SGPL1: variants seen among roughly 807,000 people sequenced by gnomAD.
The protein encoded by SGPL1 is sphingosine-1-phosphate lyase 1.
Under a neutral mutation model 68.9 loss-of-function variants are expected in SGPL1, and 37 were observed. The ratio of observed to expected loss-of-function variants is 0.54; its 90% CI spans 0.41 to 0.71. SGPL1 has a LOEUF of 0.71. SGPL1 is among the 30% of genes least tolerant of loss of function. The pLI is 0.00. For missense variants in SGPL1, 551 were observed against 704.6 expected (o/e 0.78, Z 2.47); for synonymous variants, 236 against 248.5 (o/e 0.95, Z 0.47).
At chr10:70,849,102 C>T (rs950878136) in intron 3 of SGPL1, among the ~76,000 whole-genome samples, 15 of 152,162 alleles carry the variant, frequency 9.9e-5, no homozygotes, top group Non-Finnish European at 2.2e-4. Flanking sequence ...TCACAACTTC[C>T]ACAAAATTAG....
chr10:70,825,832 A>T (rs1845424560), intron 2 of SGPL1, among the ~76,000 whole-genome samples: 1 of 152,220 alleles, frequency 6.6e-6, no homozygotes, highest in Admixed American at 6.5e-5. Context: ...TTGAGTGTAT[A>T]TAACAGAAAA....
chr10:70,835,610 C>T (rs1334820734), intron 2 of SGPL1, among the ~76,000 whole-genome samples: 2 of 151,886 alleles, frequency 1.3e-5, no homozygotes, highest in East Asian at 1.9e-4. Flanking sequence ...GTGGCGGGTG[C>T]CTGTAGTCCC....
intron 7 of SGPL1, among the ~76,000 whole-genome samples, chr10:70,863,617 G>A (rs2131924485): frequency 6.6e-6 from 1 of 151,996 alleles, no homozygotes; most frequent in Admixed American, 6.5e-5. Context: ...TGAGTTGCTG[G>A]GGATTGCCAC....
At chr10:70,865,305 T>C (rs930757026) in intron 7 of SGPL1, among the ~76,000 whole-genome samples, 2 of 149,830 alleles carry the variant, frequency 1.3e-5, no homozygotes, top group African/African-American at 2.4e-5. Context: ...TTTGACTCTT[T>C]TCTCTCCCTG....
intron 7 of SGPL1, among the ~76,000 whole-genome samples, chr10:70,865,302 CTT>C (rs763488367): frequency 4.7e-5 from 7 of 149,254 alleles, no homozygotes; most frequent in Non-Finnish European, 4.4e-5. Flanking sequence ...GATTTTGACT[CTT>C]TTCTCTCCCT....
At chr10:70,872,622 A>G (rs532856274) in intron 11 of SGPL1, among the ~76,000 whole-genome samples, 2 of 152,294 alleles carry the variant, frequency 1.3e-5, no homozygotes, top group African/African-American at 4.8e-5. Flanking sequence ...GCATTTTCAG[A>G]GCTTGTTTTA....
At position 70,844,532 on chromosome 10, in the gene SGPL1, T is replaced by C. The variant is rs1292778000; in HGVS notation, c.87T>C (p.Tyr29=). 6.8e-6 allele frequency: 11 copies of C among 1,614,036 alleles called. No individual in the cohort carries two copies. The highest frequency in any genetic ancestry group is 8.5e-6 in the Non-Finnish European group (10 of 1,180,000). The change falls in exon 3 of 15, where the codon TAT becomes TAC. Residue 29 remains tyrosine, a synonymous_variant. Transcript: ENST00000373202. The stretch of plus-strand genomic sequence containing the variant: ...TATACTCCACAAAAGCCAAGAATTA[T>C]GTAAATGGACATTGCACCAAGTATG... ...LEVYSTKAKN[Y]VNGHCTKYEP...
At chr10:70,829,908 A>G (rs976569105) in intron 2 of SGPL1, among the ~76,000 whole-genome samples, 6 of 152,160 alleles carry the variant, frequency 3.9e-5, no homozygotes, top group Non-Finnish European at 8.8e-5. Flanking sequence ...ATAAAAAAAT[A>G]TTCTTTAAAA....
At position 70,853,629 on chromosome 10, in the gene SGPL1, A is replaced by G. The variant is rs141824506; in HGVS notation, c.262-1079A>G. Among the ~76,000 whole-genome samples the G allele has an allele frequency of 2.8e-3, 425 of 152,074 alleles. 5 individuals are homozygous for G. The highest frequency in any genetic ancestry group is 9.4e-3 in the African/African-American group (390 of 41,482). On this transcript the variant is annotated intron_variant, in intron 4 of 14. Coordinates refer to ENST00000373202, the MANE Select transcript of SGPL1 (RefSeq NM_003901.4). ...ATTGCCTAAGTTTGTTTTGTTCACTATGTGTCCCTGGCCTGCATATTTGTG... is the reference window on the plus strand; with the variant it reads ...ATTGCCTAAGTTTGTTTTGTTCACTGTGTGTCCCTGGCCTGCATATTTGTG...
At position 70,830,224 on chromosome 10, in the gene SGPL1, A is replaced by G. The variant is rs578164108; in HGVS notation, c.27+13344A>G. Among the ~76,000 whole-genome samples, 119 of 152,160 alleles carry G rather than the reference A, an allele frequency of 7.8e-4. 1 individual carries two copies. The highest frequency in any genetic ancestry group is 2.8e-3 in the African/African-American group (115 of 41,512). On this transcript the variant is annotated intron_variant, in intron 2 of 14. Coordinates refer to ENST00000373202, the MANE Select transcript of SGPL1 (RefSeq NM_003901.4). ...GTCATGATGCTTTTTTAAGTGTACA[A>G]CTCTGGTGTTTTGTATATTCACAGT...
At chr10:70,830,430 A>G (rs1260993108) in intron 2 of SGPL1, among the ~76,000 whole-genome samples, 1 of 152,146 alleles carries the variant, frequency 6.6e-6, no homozygotes, top group Admixed American at 6.5e-5. Flanking sequence ...GTCTTTCCTG[A>G]TTGACTTCCT....
chr10:70,835,939 C>G (rs1437723451), intron 2 of SGPL1, among the ~76,000 whole-genome samples: 1 of 152,096 alleles, frequency 6.6e-6, no homozygotes, highest in African/African-American at 2.4e-5. Flanking sequence ...TCTGTTGTGG[C>G]CCAGCAAGCT....
At chr10:70,823,242 A>G (rs904059679) in intron 2 of SGPL1, among the ~76,000 whole-genome samples, 1 of 151,212 alleles carries the variant, frequency 6.6e-6, no homozygotes, top group African/African-American at 2.4e-5. Context: ...TTAGTACAAA[A>G]TATTCCCTGT....
rs913623662 is a variant in SGPL1, at chr10:70,859,814, G to C, written c.615+315G>C. 3.9e-5 allele frequency among the ~76,000 whole-genome samples: 6 copies of C among 151,972 alleles called. 1 individual carries two copies. The highest frequency in any genetic ancestry group is 1.5e-4 in the African/African-American group (6 of 41,376). ...TTTTGAAAAACTTTGAACCTACATT[G>C]AGTTGCTAGGATGGCTTAAAGAACA... is the stretch of plus-strand genomic sequence containing the variant. On this transcript the variant is annotated intron_variant, in intron 7 of 14. Transcript: ENST00000373202.
chr10:70,869,535 C>A, intron 8 of SGPL1: 1 of 296,044 alleles, frequency 3.4e-6, no homozygotes, highest in South Asian at 4.9e-5. Flanking sequence ...GCTTTGGATC[C>A]CTCACTGTGG....
chr10:70,849,966 G>A (rs370125546), intron 3 of SGPL1, among the ~76,000 whole-genome samples: 288 of 152,302 alleles, frequency 1.9e-3, no homozygotes, highest in Middle Eastern at 0.017. Flanking sequence ...TGCCTTTTAT[G>A]TCACTCGTAG....
chr10:70,834,762 G>A (rs1845598013), intron 2 of SGPL1, among the ~76,000 whole-genome samples: 1 of 152,302 alleles, frequency 6.6e-6, no homozygotes, highest in Admixed American at 6.5e-5. Context: ...TAGCTGACAG[G>A]ACTTTGAGAA....
At chr10:70,853,626 A>G (rs903970441) in intron 4 of SGPL1, among the ~76,000 whole-genome samples, 1 of 151,970 alleles carries the variant, frequency 6.6e-6, no homozygotes, top group African/African-American at 2.4e-5. Context: ...TGTTTTGTTC[A>G]CTATGTGTCC....
rs549682551 is a variant in SGPL1 at position 70,841,686 on chromosome 10, G to A, written c.28-2787G>A. Among the ~76,000 whole-genome samples, 89 of 152,216 alleles carry A rather than the reference G, an allele frequency of 5.8e-4. 1 individual carries two copies. The South Asian group carries it at 0.019, about 32-fold the overall frequency. On this transcript the variant is annotated intron_variant, in intron 2 of 14. Transcript: ENST00000373202. ...TTCAACATATGAATTTTTGGGGGAT[G>A]TAAACATTCAGTCCATTGCAGGTAT...
Sources: allele counts gnomAD v4.1 joint callset (sites outside exome capture counted in the v4.1 genomes callset), GRCh38; gene constraint gnomAD v4.1.1; transcripts MANE v1.5; gene names NCBI Gene and HGNC (gene_info 2026-07-23, HGNC 2026-07-21).